Variants in FAM107B observed in about 807,000 individuals in gnomAD.
The protein encoded by FAM107B is family with sequence similarity 107 member B, also known as protein FAM107B.
In FAM107B, 21 loss-of-function variants were observed where a neutral mutation model predicts 31.5. The observed-to-expected ratio is 0.67, with a 90% CI of 0.47 to 0.96. The LOEUF (loss-of-function observed/expected upper bound fraction) is 0.96, where lower values mean the gene tolerates loss of function less well. Ranked by LOEUF, FAM107B falls within the 40% of genes least tolerant of loss-of-function variation. FAM107B has a pLI of 0.00. For missense variants in FAM107B, 452 were observed against 377.1 expected, an observed-to-expected ratio of 1.20 and a Z score of -1.64; for synonymous variants, 157 against 141.5, an observed-to-expected ratio of 1.11 and a Z score of -0.78.
At chr10:14,637,297 T>C (rs1853524741) in intron 2 of FAM107B, among the ~76,000 whole-genome samples, 1 of 152,076 alleles carries the variant, frequency 6.6e-6, no homozygotes, top group Non-Finnish European at 1.5e-5. Context: ...TAGAATAATA[T>C]CCTCCTCTTG....
chr10:14,731,219 G>T (rs552905325), intron 1 of FAM107B, among the ~76,000 whole-genome samples: 1 of 152,244 alleles, frequency 6.6e-6, no homozygotes, highest in Admixed American at 6.5e-5. Context: ...AGACAGAAAA[G>T]GTGCTTGCCC....
intron 2 of FAM107B, among the ~76,000 whole-genome samples, chr10:14,642,228 C>T (rs1164822602): frequency 1.3e-5 from 2 of 152,238 alleles, no homozygotes; most frequent in Non-Finnish European, 2.9e-5. Flanking sequence ...TCCAGGCTCA[C>T]TGGGGTGGAA....
chr10:14,528,104 T>C (rs1224380734), intron 3 of FAM107B: 2 of 300,174 alleles, frequency 6.7e-6, no homozygotes, highest in Non-Finnish European at 1.3e-5. Flanking sequence ...AAGTGGAAGA[T>C]AGATGTGACT....
At chr10:14,718,355 A>AAGGG (rs1459638192) in intron 1 of FAM107B, among the ~76,000 whole-genome samples, 13 of 150,164 alleles carry the variant, frequency 8.7e-5, no homozygotes, top group African/African-American at 1.7e-4. Flanking sequence ...GGAAGGAAGG[A>AAGGG]AGGGAGGGAG....
intron 2 of FAM107B, among the ~76,000 whole-genome samples, chr10:14,568,283 C>T (rs1850848276): frequency 1.4e-5 from 2 of 138,654 alleles, no homozygotes; most frequent in Admixed American, 1.5e-4. Context: ...GGAGCCAAGG[C>T]AGCACTGAAC....
chr10:14,598,354 T>C (rs1377635615), intron 2 of FAM107B, among the ~76,000 whole-genome samples: 2 of 152,122 alleles, frequency 1.3e-5, no homozygotes, highest in African/African-American at 4.8e-5. Context: ...GTAATATACA[T>C]ACAGTGGAAT....
intron 2 of FAM107B, among the ~76,000 whole-genome samples, chr10:14,591,940 TG>T (rs540828491): frequency 6.8e-6 from 1 of 147,090 alleles, no homozygotes; most frequent in Non-Finnish European, 1.5e-5. Flanking sequence ...GTCAATAGCA[TG>T]GGGGGAAGGG....
rs909959985 is a variant in FAM107B, at chr10:14,519,331, G to A, written c.*1859C>T. Reference sequence around the variant, plus strand: ...AGATAAAAAGATATGAGCCAGTCCCGAATCTTCATTTTACAAACAGCATCG... The same window carrying A: ...AGATAAAAAGATATGAGCCAGTCCCAAATCTTCATTTTACAAACAGCATCG... On this transcript the variant is annotated 3_prime_UTR_variant, in exon 5 of 5. Transcript: ENST00000181796. 2 of 151,960 alleles carry A rather than the reference G, an allele frequency of 1.3e-5. No individual in the cohort carries two copies. The highest frequency in any genetic ancestry group is 2.9e-5 in the Non-Finnish European group (2 of 67,994). The allele number at this position is 151,960 out of a possible 1,614,324, so 9.4% of individuals were successfully genotyped here.
chr10:14,774,525 C>T lies in FAM107B; in HGVS notation c.139G>A (p.Asp47Asn). 6.2e-7 allele frequency: 1 copy of T among 1,614,220 alleles called. No homozygotes were observed. Among genetic ancestry groups the T allele is most frequent in the Non-Finnish European group, 8.5e-7 (1 of 1,180,040 alleles). Residue 47 changes from aspartate (D) to asparagine (N), a missense_variant, in exon 1 of 5, where the codon GAT becomes AAT. Asp to Asn is a conservative substitution (Grantham distance 23). Transcript: ENST00000181796. ...SASFNQSGVA[D>N]THSTVRVQPV... The stretch of plus-strand genomic sequence containing the variant: ...TGCACACGGACGGTGGAATGAGTAT[C>T]AGCCACGCCGGACTGATTGAAGGAA...
chr10:14,535,417 T>C (rs552726073), intron 2 of FAM107B, among the ~76,000 whole-genome samples: 4 of 152,356 alleles, frequency 2.6e-5, no homozygotes, highest in African/African-American at 7.2e-5. Context: ...CCAGCAACAT[T>C]ACATACTTTA....
chr10:14,585,029 A>G (rs951889897), intron 2 of FAM107B, among the ~76,000 whole-genome samples: 1 of 152,188 alleles, frequency 6.6e-6, no homozygotes, highest in African/African-American at 2.4e-5. Context: ...CAATCAGACC[A>G]ATAGTGAGCC....
chr10:14,705,274 T>C (rs568575860), intron 1 of FAM107B, among the ~76,000 whole-genome samples: 2 of 152,234 alleles, frequency 1.3e-5, no homozygotes, highest in African/African-American at 4.8e-5. Context: ...GGAACTGTAA[T>C]GGTGCAGGTG....
chr10:14,772,810 A>T (rs1275675339), intron 1 of FAM107B, among the ~76,000 whole-genome samples: 1 of 152,182 alleles, frequency 6.6e-6, no homozygotes, highest in African/African-American at 2.4e-5. Context: ...TTGAATTCAC[A>T]TGCTTGCCTT....
At chr10:14,607,098 T>C (rs745497714) in intron 2 of FAM107B, among the ~76,000 whole-genome samples, 15 of 152,228 alleles carry the variant, frequency 9.9e-5, no homozygotes, top group Non-Finnish European at 2.1e-4. Flanking sequence ...TGTGTGAATG[T>C]GATAAGTGAC....
chr10:14,736,274 G>A lies in FAM107B; in HGVS notation c.411+37979C>T, dbSNP rs1856297617. 2.0e-5 allele frequency among the ~76,000 whole-genome samples: 3 copies of A among 152,294 alleles called. No homozygotes were observed. In the South Asian group the frequency reaches 6.2e-4, roughly 32 times the overall value. On this transcript the variant is annotated intron_variant, in intron 1 of 4. Coordinates refer to ENST00000181796, the MANE Select transcript of FAM107B (RefSeq NM_031453.4). ...TCATTAGGTCAAAGTCACAAGTCAG[G>A]AGACAGGCAGAGCTGAAGAAAAACA...
At chr10:14,697,611 T>C (rs532637672) in intron 1 of FAM107B, among the ~76,000 whole-genome samples, 3 of 152,330 alleles carry the variant, frequency 2.0e-5, no homozygotes, top group African/African-American at 7.2e-5. Flanking sequence ...CTAGGACAAA[T>C]ACAAAGGTGT....
chr10:14,529,222 T>C (rs980273747), intron 3 of FAM107B, among the ~76,000 whole-genome samples: 2 of 152,256 alleles, frequency 1.3e-5, no homozygotes, highest in Non-Finnish European at 2.9e-5. Flanking sequence ...CATATATTCT[T>C]TCTTCTATTG....
At chr10:14,557,728 G>A (rs569949597) in intron 2 of FAM107B, among the ~76,000 whole-genome samples, 6 of 152,320 alleles carry the variant, frequency 3.9e-5, no homozygotes, top group South Asian at 2.1e-4. Context: ...ACAGTTCTGC[G>A]AGGGAGGTAT....
intron 2 of FAM107B, among the ~76,000 whole-genome samples, chr10:14,629,594 G>A (rs1402116274): frequency 6.9e-6 from 1 of 144,488 alleles, no homozygotes; most frequent in African/African-American, 2.6e-5. Flanking sequence ...CTCACTGCAA[G>A]CTCCGCCTCC....
Sources: allele counts gnomAD v4.1 joint callset (sites outside exome capture counted in the v4.1 genomes callset), GRCh38; gene constraint gnomAD v4.1.1; transcripts MANE v1.5; gene names NCBI Gene and HGNC (gene_info 2026-07-23, HGNC 2026-07-21).